Variants in TFE3 observed in about 807,000 individuals in gnomAD.
TFE3 encodes transcription factor E3.
In TFE3, 5 loss-of-function variants were observed where a neutral mutation model predicts 35.0. That is an observed-to-expected ratio of 0.14 (90% CI 0.07 to 0.30). The LOEUF is 0.30. Ranked by LOEUF, TFE3 falls within the 10% of genes least tolerant of loss-of-function variation. The pLI, the probability that TFE3 is intolerant of heterozygous loss-of-function variation, is 1.00. For synonymous variants in TFE3, 211 were observed against 215.6 expected (o/e 0.98, Z 0.18); for missense variants, 374 against 496.6 (o/e 0.75, Z 2.35).
intron 8 of TFE3, among the ~76,000 whole-genome samples, chrX:49,032,928 A>G (rs2064707795): frequency 9.0e-6 from 1 of 111,644 alleles, no homozygotes; most frequent in Admixed American, 9.5e-5. Context: ...GGCCTCCCAA[A>G]GTGCCAGGAT....
chrX:49,040,936 C>CTT (rs201030170), intron 1 of TFE3, among the ~76,000 whole-genome samples: 1 of 97,968 alleles, frequency 1.0e-5, no homozygotes. Flanking sequence ...ATACCCCCTA[C>CTT]TTTTTTTTTT....
Position 49,032,468 on chromosome X carries a change from C to A in TFE3, c.1137-924G>T, listed in dbSNP as rs1426625552. ...GGCCAGGCTGGTCTCAAACTCCTGA[C>A]CTCAGGTGATCCACCCGTCTCGGCC... On this transcript the variant is annotated intron_variant, in intron 8 of 9. Transcript: ENST00000315869. Among the ~76,000 whole-genome samples, 7 of 110,830 alleles carry A rather than the reference C, an allele frequency of 6.3e-5. No individual in the cohort carries two copies. In the Admixed American group the frequency reaches 6.8e-4, roughly 11 times the overall value.
Position 49,043,319 on chromosome X carries a change from ACCG to A in TFE3, c.-96_-94del, listed in dbSNP as rs2064770243. 1.5e-6 allele frequency: 1 copy of A among 683,716 alleles called. No individual in the cohort carries two copies. Among genetic ancestry groups the A allele is most frequent in the Non-Finnish European group, 2.0e-6 (1 of 487,908 alleles). 56.3% of individuals were successfully genotyped at this position (683,716 alleles called of 1,213,427 possible). A position where few individuals can be genotyped will look rare whatever the true frequency, so the allele number is the denominator to read the frequency against. On this transcript the variant is annotated 5_prime_UTR_variant, in exon 1 of 10. Coordinates refer to ENST00000315869, the MANE Select transcript of TFE3 (RefSeq NM_006521.6). ...GAGTCCCCCCTCCCCCCAGCTCGCC[ACCG>A]CCGCCTCCTCCGCTAAGCCATGGAG... is the stretch of plus-strand genomic sequence containing the variant.
In TFE3 at chrX:49,040,581, T is replaced by G. The variant is rs782788989; in HGVS notation, c.117-13A>C. ...CAAAGAGTTCAGGCTGAGGGGGAGG[T>G]GGAGTGGTGGTCAGTGATTGAATGA... On this transcript the variant is annotated splice_polypyrimidine_tract_variant and intron_variant, in intron 1 of 9. Coordinates refer to ENST00000315869, the MANE Select transcript of TFE3 (RefSeq NM_006521.6). 2.7e-5 allele frequency: 30 copies of G among 1,112,762 alleles called. No individual in the cohort carries two copies. Among genetic ancestry groups the G allele is most frequent in the Non-Finnish European group, 3.6e-5 (29 of 809,107 alleles). The allele number at this position is 1,112,762 out of a possible 1,213,427, so 91.7% of individuals were successfully genotyped here.
At chrX:49,036,404 G>A (rs2064729590) in intron 5 of TFE3, among the ~76,000 whole-genome samples, 1 of 64,304 alleles carries the variant, frequency 1.6e-5, no homozygotes, top group Non-Finnish European at 3.1e-5. Context: ...GAGGCAGAGG[G>A]TGCAATGAGC....
Position 49,034,122 on chromosome X carries a change from C to A in TFE3, c.1003+12G>T. On this transcript the variant is annotated intron_variant, in intron 6 of 9. Transcript: ENST00000315869. The stretch of plus-strand genomic sequence containing the variant: ...AAGTGTAGGGCCATGGGGCCAAGAC[C>A]CTATCACCTACCAGAGATCTCCCGT... 1 of 1,194,370 alleles carries A rather than the reference C, an allele frequency of 8.4e-7. No homozygotes were observed. The highest frequency in any genetic ancestry group is 1.1e-6 in the Non-Finnish European group (1 of 879,532).
intron 5 of TFE3, among the ~76,000 whole-genome samples, chrX:49,036,488 TA>T (rs1557074775): frequency 1.4e-3 from 17 of 12,511 alleles, no homozygotes; most frequent in Admixed American, 0.011. Context: ...AAAAATTCAA[TA>T]AAAAATAAAT....
In TFE3 at chrX:49,038,119, G is replaced by A. The variant is rs2147776040; in HGVS notation, c.781-5C>T. ...CTCATCAATGACATCATCAATCTAG[G>A]GGAAGAAGTAAATATTATACAGGTT... On this transcript the variant is annotated splice_polypyrimidine_tract_variant and splice_region_variant and intron_variant, in intron 4 of 9. Transcript: ENST00000315869. 8.3e-7 allele frequency: 1 copy of A among 1,210,417 alleles called. No individual in the cohort carries two copies. Among genetic ancestry groups the A allele is most frequent in the Non-Finnish European group, 1.1e-6 (1 of 894,487 alleles).
At chrX:49,040,147 G>C (rs1363009383) in intron 2 of TFE3, among the ~76,000 whole-genome samples, 1 of 110,420 alleles carries the variant, frequency 9.1e-6, no homozygotes, top group African/African-American at 3.3e-5. Context: ...ATGAGTTTAA[G>C]CAGGCCACGC....
At position 49,031,382 on chromosome X, in the gene TFE3, C is replaced by G. The variant is rs149428328; in HGVS notation, c.1284+15G>C. ...TCTCCCCCTCTTCCCCCACCACCAT[C>G]TCCTCTTTTCAAACCTGAATTCGGA... On this transcript the variant is annotated intron_variant, in intron 9 of 9. Coordinates refer to ENST00000315869, the MANE Select transcript of TFE3 (RefSeq NM_006521.6). 1.5e-5 allele frequency: 18 copies of G among 1,179,065 alleles called. No individual in the cohort carries two copies. The African/African-American group carries it at 3.2e-4, about 21-fold the overall frequency.
In TFE3 at chrX:49,040,460, G is replaced by C; in HGVS notation, c.225C>G (p.Arg75=). 2 of 1,205,359 alleles carry C rather than the reference G, an allele frequency of 1.7e-6. No individual in the cohort carries two copies. Among genetic ancestry groups the C allele is most frequent in the Non-Finnish European group, 2.2e-6 (2 of 889,919 alleles). The change falls in exon 2 of 10, where the codon CGC becomes CGG. Residue 75 remains arginine (R), a synonymous_variant. Coordinates refer to ENST00000315869, the MANE Select transcript of TFE3 (RefSeq NM_006521.6). ...YELKSQPLPL[R]SSLPISLQAT... is the part of the protein sequence containing the mutation. ...GATAGACAAGTCATACATACCTTGAGCGAAGGGGTAAGGGTTGGCTTTTGA... is the reference window on the plus strand; with the variant it reads ...GATAGACAAGTCATACATACCTTGACCGAAGGGGTAAGGGTTGGCTTTTGA...
intron 3 of TFE3, 107 bp from the exon 4 acceptor site, chrX:49,038,549 C>T (rs1557075176): frequency 1.0e-6 from 1 of 994,393 alleles, no homozygotes; most frequent in Non-Finnish European, 1.3e-6. Flanking sequence ...GGTGCCTAGA[C>T]TCACGCAGAC....
Position 49,030,036 on chromosome X carries a change from C to T in TFE3, c.*122G>A, listed in dbSNP as rs2064689303. On this transcript the variant is annotated 3_prime_UTR_variant, in exon 10 of 10. Transcript: ENST00000315869. ...CAGGGGTGGGGCCTGATCACATCTC[C>T]TCTTCCCCCAGGATACCTGGGCAGG... 1 of 783,440 alleles carries T rather than the reference C, an allele frequency of 1.3e-6. No homozygotes were observed. The highest frequency in any genetic ancestry group is 1.9e-6 in the Non-Finnish European group (1 of 538,301). 64.6% of individuals were successfully genotyped at this position (783,440 alleles called of 1,213,427 possible). A position where few individuals can be genotyped will look rare whatever the true frequency, so the allele number is the denominator to read the frequency against.
rs377187631 is a variant in TFE3 at position 49,033,583 on chromosome X, T to A, written c.1061-43A>T. On this transcript the variant is annotated intron_variant, in intron 7 of 9. Coordinates refer to ENST00000315869, the MANE Select transcript of TFE3 (RefSeq NM_006521.6). The stretch of plus-strand genomic sequence containing the variant: ...GAGGAAGAAAGAGTGGGAGAAAGAG[T>A]TGTCAATTAGCCAAAAATGGAAGAG... 16 of 1,192,903 alleles carry A rather than the reference T, an allele frequency of 1.3e-5. No individual in the cohort carries two copies. The African/African-American group carries it at 2.5e-4, about 18-fold the overall frequency.
At chrX:49,037,698 C>CG (rs1434099632) in intron 5 of TFE3, 3 of 171,561 alleles carry the variant, frequency 1.7e-5, no homozygotes, top group South Asian at 2.8e-4. Flanking sequence ...GACTCCGTCT[C>CG]GAAAAAAAAA....
At chrX:49,040,395 A>C in intron 2 of TFE3, 60 bp downstream of exon 2, 1 of 936,333 alleles carries the variant, frequency 1.1e-6, no homozygotes, top group Middle Eastern at 2.7e-4. Flanking sequence ...TCTGCCCATC[A>C]AGAGGGGAGA....
At chrX:49,035,924 C>CT (rs1557074656) in intron 5 of TFE3, among the ~76,000 whole-genome samples, 1 of 110,219 alleles carries the variant, frequency 9.1e-6, no homozygotes, top group East Asian at 2.9e-4. Flanking sequence ...AATCCCAGCA[C>CT]TTTGGGAGGC....
intron 2 of TFE3, 95 bp from the exon 3 acceptor site, chrX:49,039,505 C>T: frequency 1.0e-6 from 1 of 960,557 alleles, no homozygotes; most frequent in Non-Finnish European, 1.4e-6. Context: ...GACACAGGAA[C>T]CAGGCCTGTT....
In TFE3 at chrX:49,039,227, G is replaced by C. The variant is rs372564649; in HGVS notation, c.414C>G (p.Ala138=). 2 of 1,204,706 alleles carry C rather than the reference G, an allele frequency of 1.7e-6. No individual in the cohort carries two copies. Among genetic ancestry groups the C allele is most frequent in the Non-Finnish European group, 2.2e-6 (2 of 892,821 alleles). ...GTGCAGGACTGGGGAAGGGAGCCGC[G>C]GCGGCCTGTTCCCGACGCTCACGCC... ...QERRERREQA[A]AAPFPSPAPA... The change falls in exon 3 of 10, where the codon GCC becomes GCG. Residue 138 remains alanine (A), a synonymous_variant. Coordinates refer to ENST00000315869, the MANE Select transcript of TFE3 (RefSeq NM_006521.6).
Sources: allele counts gnomAD v4.1 joint callset (sites outside exome capture counted in the v4.1 genomes callset), GRCh38; gene constraint gnomAD v4.1.1; transcripts MANE v1.5; gene names NCBI Gene and HGNC (gene_info 2026-07-23, HGNC 2026-07-21).